CCNJL: variants seen among roughly 807,000 people sequenced by gnomAD.
The protein encoded by CCNJL is cyclin-J-like protein.
CCNJL carries 33 observed loss-of-function variants against 33.4 expected under a neutral mutation model. The ratio of observed to expected loss-of-function variants is 0.99; its 90% confidence interval spans 0.75 to 1.32. The LOEUF is 1.32. CCNJL is among the 40% of genes most tolerant of loss of function. CCNJL has a pLI of 0.00. For synonymous variants in CCNJL, 227 were observed against 220.9 expected, an observed-to-expected ratio of 1.03 and a Z score of -0.24; for missense variants, 512 against 499.7, an observed-to-expected ratio of 1.02 and a Z score of -0.23.
intron 3 of CCNJL, among the ~76,000 whole-genome samples, chr5:160,276,783 C>CT (rs1762028617): frequency 6.6e-6 from 1 of 151,984 alleles, no homozygotes; most frequent in African/African-American, 2.4e-5. Flanking sequence ...AATTTTATCT[C>CT]TCTTTTTTTT....
At chr5:160,282,333 G>A (rs964113174) in intron 2 of CCNJL, among the ~76,000 whole-genome samples, 1 of 152,082 alleles carries the variant, frequency 6.6e-6, no homozygotes, top group Non-Finnish European at 1.5e-5. Flanking sequence ...AGACATAAAC[G>A]TTAAGACTTA....
chr5:160,284,453 G>A (rs1232744979), intron 2 of CCNJL, among the ~76,000 whole-genome samples: 4 of 152,270 alleles, frequency 2.6e-5, no homozygotes, highest in African/African-American at 9.6e-5. Context: ...ATCACCCACA[G>A]TCATGGAGTC....
At chr5:160,270,397 T>C (rs1022807111) in intron 3 of CCNJL, among the ~76,000 whole-genome samples, 1 of 151,784 alleles carries the variant, frequency 6.6e-6, no homozygotes, top group Non-Finnish European at 1.5e-5. Context: ...TGAGCCGAAA[T>C]TGCGCCACTG....
chr5:160,272,082 C>T (rs745350762), intron 3 of CCNJL, among the ~76,000 whole-genome samples: 1 of 152,218 alleles, frequency 6.6e-6, no homozygotes, highest in Non-Finnish European at 1.5e-5. Flanking sequence ...TCAAGCATTC[C>T]CAGCTTTGGG....
chr5:160,301,527 G>A (rs1020163861), intron 2 of CCNJL, among the ~76,000 whole-genome samples: 1 of 151,710 alleles, frequency 6.6e-6, no homozygotes, highest in African/African-American at 2.4e-5. Context: ...TCTGCCTCGC[G>A]GGTTCAAGCG....
chr5:160,304,085 G>A (rs1033398702), intron 2 of CCNJL, among the ~76,000 whole-genome samples: 1 of 152,146 alleles, frequency 6.6e-6, no homozygotes, highest in South Asian at 2.1e-4. Flanking sequence ...GATTGCTGTC[G>A]TGATTTTGCA....
intron 1 of CCNJL, among the ~76,000 whole-genome samples, chr5:160,329,550 C>T (rs1179934839): frequency 6.6e-6 from 1 of 152,010 alleles, no homozygotes; most frequent in Non-Finnish European, 1.5e-5. Flanking sequence ...GGGGTTTCAC[C>T]GTGTTAGCCA....
chr5:160,296,619 C>A (rs115619145), intron 2 of CCNJL, among the ~76,000 whole-genome samples: 1 of 152,158 alleles, frequency 6.6e-6, no homozygotes, highest in African/African-American at 2.4e-5. Flanking sequence ...TCCATGGGTT[C>A]TCAGGATAAG....
chr5:160,280,756 C>A lies in CCNJL; in HGVS notation c.67-18G>T. 1.3e-6 allele frequency: 2 copies of A among 1,551,434 alleles called. No homozygotes were observed. Among genetic ancestry groups the A allele is most frequent in the Non-Finnish European group, 1.8e-6 (2 of 1,139,578 alleles). Reference sequence around the variant, plus strand: ...TTCAGTTCCTGGAGGACAGGCGGGGCGGAGGGGTGACGGTCAGGGCTGCCT... The same window carrying A: ...TTCAGTTCCTGGAGGACAGGCGGGGAGGAGGGGTGACGGTCAGGGCTGCCT... On this transcript the variant is annotated intron_variant, in intron 2 of 5. Transcript: ENST00000257536.
In CCNJL at chr5:160,249,224, T is replaced by C. The variant is rs1760743850; in HGVS notation, c.*4154A>G. 6.6e-6 allele frequency: 1 copy of C among 152,218 alleles called. No homozygotes were observed. Among genetic ancestry groups the C allele is most frequent in the Non-Finnish European group, 1.5e-5 (1 of 68,032 alleles). 9.4% of individuals were successfully genotyped at this position (152,218 alleles called of 1,614,324 possible). A position where few individuals can be genotyped will look rare whatever the true frequency, so the allele number is the denominator to read the frequency against. On this transcript the variant is annotated 3_prime_UTR_variant, in exon 6 of 6. Coordinates refer to ENST00000257536, the MANE Select transcript of CCNJL (RefSeq NM_001308173.3). The stretch of plus-strand genomic sequence containing the variant: ...AAGGACACTTGCATGCTAGTTTATC[T>C]ATGGTCAGTTGTGGAATAGGTCTGT...
intron 1 of CCNJL, among the ~76,000 whole-genome samples, chr5:160,335,606 T>C (rs181751499): frequency 2.3e-3 from 346 of 152,226 alleles, no homozygotes; most frequent in Non-Finnish European, 3.2e-3. Context: ...ATGGGGTCTC[T>C]GTTGCCCAAG....
At chr5:160,321,008 CTCTCTCTT>C (rs1429266579) in intron 1 of CCNJL, among the ~76,000 whole-genome samples, 185 of 100,090 alleles carry the variant, frequency 1.8e-3, no homozygotes, top group East Asian at 2.2e-3. Context: ...CTCTCTCTCT[CTCTCTCTT>C]TCTTTCTTTC....
At chr5:160,306,967 G>A (rs1763114351) in intron 2 of CCNJL, among the ~76,000 whole-genome samples, 1 of 152,216 alleles carries the variant, frequency 6.6e-6, no homozygotes, top group African/African-American at 2.4e-5. Context: ...ATGCAGGTCT[G>A]TAGGAAGCTG....
chr5:160,320,871 C>CTCTTTCTTTCTT (rs1206025758), intron 1 of CCNJL, among the ~76,000 whole-genome samples: 1 of 71,058 alleles, frequency 1.4e-5, no homozygotes, highest in Non-Finnish European at 2.6e-5. Context: ...CTTTCTTTCT[C>CTCTTTCTTTCTT]TCTTTCTTTC....
intron 1 of CCNJL, among the ~76,000 whole-genome samples, chr5:160,339,025 GATCCACCCACCTCGGACTCCCA>G (rs1319992882): frequency 6.6e-6 from 1 of 152,038 alleles, no homozygotes; most frequent in Non-Finnish European, 1.5e-5. Flanking sequence ...CTGACCTTGT[GATCCACCCACCTCGGACTCCCA>G]AAGTGCTGGG....
At chr5:160,285,152 T>C (rs1762362723) in intron 2 of CCNJL, among the ~76,000 whole-genome samples, 1 of 152,194 alleles carries the variant, frequency 6.6e-6, no homozygotes, top group Non-Finnish European at 1.5e-5. Flanking sequence ...ATCGCACCAC[T>C]GCACTCTAGC....
chr5:160,291,706 G>A (rs374290980), intron 2 of CCNJL, among the ~76,000 whole-genome samples: 3 of 152,316 alleles, frequency 2.0e-5, no homozygotes, highest in East Asian at 1.9e-4. Flanking sequence ...AAAGCTTGCC[G>A]AGATTAAGAA....
At chr5:160,271,756 A>G (rs1761842109) in intron 3 of CCNJL, among the ~76,000 whole-genome samples, 1 of 152,254 alleles carries the variant, frequency 6.6e-6, no homozygotes, top group South Asian at 2.1e-4. Context: ...AAGATAAGCA[A>G]TAGTCACTTT....
Position 160,327,169 on chromosome 5 carries a change from C to T in CCNJL, n.207-11664G>A, listed in dbSNP as rs539553674. 2.4e-3 allele frequency among the ~76,000 whole-genome samples: 363 copies of T among 151,742 alleles called. 1 individual carries two copies. The highest frequency in any genetic ancestry group is 3.3e-3 in the Non-Finnish European group (226 of 67,948). On this transcript the variant is annotated intron_variant and non_coding_transcript_variant, in intron 1 of 7. Coordinates refer to the CCNJL transcript ENST00000377503. ...TAAAGTCAGATTGCCTGGACTCATA[C>T]TCCAGCTGTGCCACCTATGTGAGCT...
Sources: allele counts gnomAD v4.1 joint callset (sites outside exome capture counted in the v4.1 genomes callset), GRCh38; gene constraint gnomAD v4.1.1; transcripts MANE v1.5; gene names NCBI Gene and HGNC (gene_info 2026-07-23, HGNC 2026-07-21).